The following ANO3 variants were observed in gnomAD, a reference collection of about 807,000 sequenced individuals.
ANO3 encodes anoctamin 3, also known as anoctamin-3.
Under a neutral mutation model 144.8 loss-of-function variants are expected in ANO3, and 99 were observed. The observed-to-expected ratio is 0.68, with a 90% CI of 0.58 to 0.81. The LOEUF (loss-of-function observed/expected upper bound fraction) is 0.81, where lower values mean the gene tolerates loss of function less well. Among genes scored for constraint, ANO3 ranks in the 30% least tolerant of loss-of-function variants. The pLI is 0.00. For missense variants in ANO3, 905 were observed against 1,202.2 expected (o/e 0.75, Z 3.66); for synonymous variants, 414 against 392.6 (o/e 1.05, Z -0.64).
At chr11:26,450,974 CCTTT>C (rs1429477014) in intron 3 of ANO3, among the ~76,000 whole-genome samples, 1 of 152,150 alleles carries the variant, frequency 6.6e-6, no homozygotes, top group Admixed American at 6.5e-5. Flanking sequence ...TTGGTCAGTT[CCTTT>C]AAGTTTTGAA....
At chr11:26,590,696 GA>G (rs781732303) in intron 14 of ANO3, among the ~76,000 whole-genome samples, 5 of 152,220 alleles carry the variant, frequency 3.3e-5, no homozygotes, top group Non-Finnish European at 5.9e-5. Flanking sequence ...AGCCATGTGG[GA>G]ACAATGACAA....
At chr11:26,492,033 G>C (rs564776086) in intron 4 of ANO3, among the ~76,000 whole-genome samples, 41 of 152,256 alleles carry the variant, frequency 2.7e-4, no homozygotes, top group African/African-American at 6.0e-4. Context: ...TAAGGACAAG[G>C]GTTCCCCTGT....
At chr11:26,567,802 T>C (rs1850653244) in intron 14 of ANO3, among the ~76,000 whole-genome samples, 1 of 151,980 alleles carries the variant, frequency 6.6e-6, no homozygotes, top group African/African-American at 2.4e-5. Flanking sequence ...GATAATAAAC[T>C]GTGGTATATT....
At chr11:26,429,998 G>A (rs186570754) in intron 1 of ANO3, among the ~76,000 whole-genome samples, 44 of 152,188 alleles carry the variant, frequency 2.9e-4, no homozygotes, top group Non-Finnish European at 4.9e-4. Context: ...AGCCCTTCGG[G>A]AGGCCAAAGC....
At chr11:26,434,363 T>C (rs964884772) in intron 1 of ANO3, among the ~76,000 whole-genome samples, 1 of 152,140 alleles carries the variant, frequency 6.6e-6, no homozygotes. Context: ...ACATCATTAA[T>C]TTTTTCAAAA....
chr11:26,653,527 A>G (rs1853595297), intron 24 of ANO3, among the ~76,000 whole-genome samples: 1 of 152,022 alleles, frequency 6.6e-6, no homozygotes, highest in Admixed American at 6.6e-5. Flanking sequence ...ATGTGCTCAA[A>G]ACTCAGTAGT....
At chr11:26,230,626 G>A (rs550541322) in intron 1 of ANO3, among the ~76,000 whole-genome samples, 147 of 151,204 alleles carry the variant, frequency 9.7e-4, no homozygotes, top group Non-Finnish European at 1.5e-3. Flanking sequence ...GTGAAACCCC[G>A]TCTCTACTAG....
At chr11:26,341,459 T>C (rs2133900469) in intron 1 of ANO3, among the ~76,000 whole-genome samples, 1 of 152,300 alleles carries the variant, frequency 6.6e-6, no homozygotes, top group East Asian at 1.9e-4. Context: ...AAAACAGAAA[T>C]AAGTGCTGTT....
At chr11:26,455,437 A>C (rs2134045375) in intron 3 of ANO3, among the ~76,000 whole-genome samples, 1 of 152,120 alleles carries the variant, frequency 6.6e-6, no homozygotes, top group African/African-American at 2.4e-5. Context: ...ATAACAGACA[A>C]ACAGAGCCAA....
At chr11:26,203,415 G>A (rs1354489583) in intron 1 of ANO3, among the ~76,000 whole-genome samples, 1 of 152,130 alleles carries the variant, frequency 6.6e-6, no homozygotes, top group African/African-American at 2.4e-5. Flanking sequence ...TTCATTGAAT[G>A]CAAGTTTTAC....
At chr11:26,650,052 G>A (rs1386747926) in intron 24 of ANO3, among the ~76,000 whole-genome samples, 2 of 151,066 alleles carry the variant, frequency 1.3e-5, no homozygotes, top group African/African-American at 2.4e-5. Flanking sequence ...CGTGTAGATA[G>A]CGCCCGACAT....
chr11:26,450,935 T>C (rs1858907324), intron 3 of ANO3, among the ~76,000 whole-genome samples: 1 of 152,194 alleles, frequency 6.6e-6, no homozygotes, highest in Non-Finnish European at 1.5e-5. Flanking sequence ...AAGGTTTATG[T>C]TGTGATCATA....
intron 26 of ANO3, among the ~76,000 whole-genome samples, chr11:26,659,909 C>A (rs547772526): frequency 6.6e-6 from 1 of 152,068 alleles, no homozygotes; most frequent in Non-Finnish European, 1.5e-5. Flanking sequence ...GACATGGGTT[C>A]TCCCTGGATA....
At position 26,493,075 on chromosome 11, in the gene ANO3, C is replaced by A. The variant is rs543269100; in HGVS notation, c.433-15029C>A. Among the ~76,000 whole-genome samples the A allele has an allele frequency of 2.6e-5, 4 of 152,258 alleles. No homozygotes were observed. In the East Asian group the frequency reaches 7.8e-4, roughly 30 times the overall value. ...GTGTAAAGGACGTCACTTTAATATT[C>A]ATTTAGGTCTTCTAGTTGCCATTCA... On this transcript the variant is annotated intron_variant, in intron 4 of 26. Coordinates refer to ENST00000256737, the MANE Select transcript of ANO3 (RefSeq NM_031418.4).
chr11:26,590,515 G>A (rs776836607), intron 14 of ANO3, among the ~76,000 whole-genome samples: 9 of 152,160 alleles, frequency 5.9e-5, no homozygotes, highest in East Asian at 1.9e-4. Flanking sequence ...CCAAGATGGC[G>A]GCAAGACTTT....
chr11:26,258,292 T>A (rs186006601), intron 1 of ANO3, among the ~76,000 whole-genome samples: 1 of 152,182 alleles, frequency 6.6e-6, no homozygotes, highest in South Asian at 2.1e-4. Flanking sequence ...ATTAACAGTC[T>A]TATTGAACAA....
chr11:26,410,190 C>T (rs968225316), intron 1 of ANO3, among the ~76,000 whole-genome samples: 2 of 151,878 alleles, frequency 1.3e-5, no homozygotes, highest in African/African-American at 4.8e-5. Context: ...TTCCAAGTAT[C>T]GTAGTGGCTT....
intron 4 of ANO3, among the ~76,000 whole-genome samples, chr11:26,473,314 T>G (rs1001867578): frequency 6.6e-6 from 1 of 151,924 alleles, no homozygotes; most frequent in Non-Finnish European, 1.5e-5. Flanking sequence ...TATGTGGATG[T>G]TAAGTAAATG....
At chr11:26,392,829 A>G (rs995140222) in intron 1 of ANO3, among the ~76,000 whole-genome samples, 1 of 152,122 alleles carries the variant, frequency 6.6e-6, no homozygotes, top group East Asian at 1.9e-4. Context: ...CCTTGGTTCA[A>G]GCCATACCTC....
Sources: gnomAD v4.1 joint callset for allele counts (sites outside exome capture counted in the v4.1 genomes callset) on GRCh38, gnomAD v4.1.1 for gene constraint, MANE v1.5 for transcripts, NCBI Gene and HGNC (gene_info 2026-07-23, HGNC 2026-07-21) for gene names.